The following DOCK4 variants were observed in gnomAD, a reference collection of about 807,000 sequenced individuals.
DOCK4 encodes dedicator of cytokinesis 4.
Under a neutral mutation model 268.1 loss-of-function variants are expected in DOCK4, and 97 were observed. That is an observed-to-expected ratio of 0.36 (90% CI 0.31 to 0.43). DOCK4 has a LOEUF of 0.43. DOCK4 is among the 20% of genes least tolerant of loss of function. The pLI is 1.00. For synonymous variants in DOCK4, 954 were observed against 887.2 expected, an observed-to-expected ratio of 1.08 and a Z score of -1.34; for missense variants, 2,145 against 2,455.7, an observed-to-expected ratio of 0.87 and a Z score of 2.67.
chr7:111,935,452 G>T (rs556966201), intron 12 of DOCK4, 88 bp downstream of exon 12: 3 of 1,127,726 alleles, frequency 2.7e-6, no homozygotes, highest in Middle Eastern at 1.9e-4. Context: ...AAAAACAAAG[G>T]GCTGATAATT....
rs151130810 is a variant in DOCK4 at position 111,769,296 on chromosome 7, T to A, written c.3828+233A>T. ...TAAAATCACAGATTCCCCAGCCTCATGCCAGACAAGGCACGAATCAGAATG... is the reference window on the plus strand; with the variant it reads ...TAAAATCACAGATTCCCCAGCCTCAAGCCAGACAAGGCACGAATCAGAATG... On this transcript the variant is annotated intron_variant, in intron 37 of 52. Coordinates refer to ENST00000428084, the MANE Select transcript of DOCK4 (RefSeq NM_001363540.2). Among the ~76,000 whole-genome samples the A allele has an allele frequency of 5.5e-4, 84 of 152,280 alleles. 1 individual carries two copies. The East Asian group carries it at 0.014, about 25-fold the overall frequency.
At chr7:112,152,684 G>T (rs1816210834) in intron 1 of DOCK4, among the ~76,000 whole-genome samples, 1 of 152,056 alleles carries the variant, frequency 6.6e-6, no homozygotes, top group Non-Finnish European at 1.5e-5. Context: ...CGGGGGTCTT[G>T]CTATGTTGCT....
intron 1 of DOCK4, among the ~76,000 whole-genome samples, chr7:112,076,776 A>G (rs1351264906): frequency 2.6e-5 from 4 of 152,156 alleles, no homozygotes; most frequent in Admixed American, 2.0e-4. Flanking sequence ...CCAATTTGTC[A>G]TATGTCTTAT....
intron 25 of DOCK4, among the ~76,000 whole-genome samples, chr7:111,843,703 G>A (rs1803874299): frequency 6.6e-6 from 1 of 152,026 alleles, no homozygotes; most frequent in Non-Finnish European, 1.5e-5. Flanking sequence ...TATATAAACT[G>A]CCAGATGTAT....
intron 30 of DOCK4, among the ~76,000 whole-genome samples, chr7:111,791,073 T>C (rs1481840142): frequency 1.7e-5 from 2 of 115,114 alleles, no homozygotes; most frequent in South Asian, 5.9e-4. Context: ...AAAAAAATTA[T>C]ATATATATAT....
chr7:111,774,008 C>T (rs556154441), intron 36 of DOCK4, among the ~76,000 whole-genome samples: 1 of 151,730 alleles, frequency 6.6e-6, no homozygotes, highest in Admixed American at 6.6e-5. Flanking sequence ...CAGAGTCAAA[C>T]CTTGTCTCAA....
chr7:111,786,361 A>C (rs1274100073), intron 32 of DOCK4, among the ~76,000 whole-genome samples: 1 of 152,148 alleles, frequency 6.6e-6, no homozygotes, highest in Non-Finnish European at 1.5e-5. Context: ...AAGCGGAATG[A>C]GCGAATCAGG....
intron 1 of DOCK4, among the ~76,000 whole-genome samples, chr7:112,197,290 T>C (rs961425784): frequency 6.4e-5 from 9 of 140,422 alleles, no homozygotes; most frequent in African/African-American, 2.7e-4. Context: ...GTATTATATA[T>C]TTACCAAAAA....
chr7:111,742,150 G>T lies in DOCK4; in HGVS notation c.4678-18C>A. 1 of 1,560,282 alleles carries T rather than the reference G, an allele frequency of 6.4e-7. No homozygotes were observed. Among genetic ancestry groups the T allele is most frequent in the Admixed American group, 2.0e-5 (1 of 49,886 alleles). The stretch of plus-strand genomic sequence containing the variant: ...ATCTGTGCCTTAATTCACAACATAA[G>T]GAAAAAACCTCACATCAATGACTAC... On this transcript the variant is annotated intron_variant, in intron 44 of 52. Coordinates refer to ENST00000428084, the MANE Select transcript of DOCK4 (RefSeq NM_001363540.2).
intron 1 of DOCK4, among the ~76,000 whole-genome samples, chr7:112,185,665 C>T (rs71544730): frequency 0.14 from 21,984 of 152,078 alleles, 2,142 homozygotes; most frequent in Non-Finnish European, 0.22. Flanking sequence ...AATAGTCTGA[C>T]CACAACATTT....
chr7:111,983,481 A>G (rs1367068546), intron 7 of DOCK4, among the ~76,000 whole-genome samples: 1 of 152,158 alleles, frequency 6.6e-6, no homozygotes, highest in Non-Finnish European at 1.5e-5. Flanking sequence ...AGCCCATCCC[A>G]ACCACCCTCT....
chr7:111,753,063 G>A (rs2133533275), intron 42 of DOCK4, among the ~76,000 whole-genome samples: 2 of 147,934 alleles, frequency 1.4e-5, no homozygotes, highest in Middle Eastern at 3.8e-3. Flanking sequence ...GAAACCTTTG[G>A]TGCCACATGT....
intron 1 of DOCK4, among the ~76,000 whole-genome samples, chr7:112,072,388 T>C (rs1297320609): frequency 6.6e-6 from 1 of 152,242 alleles, no homozygotes; most frequent in Non-Finnish European, 1.5e-5. Context: ...CTGATAACGC[T>C]AGGGTCAGAT....
intron 1 of DOCK4, among the ~76,000 whole-genome samples, chr7:112,025,595 T>C (rs1802715779): frequency 6.6e-6 from 1 of 151,768 alleles, no homozygotes; most frequent in African/African-American, 2.4e-5. Context: ...GTATGACCTA[T>C]CCAAACGAAG....
chr7:111,809,155 A>G lies in DOCK4; in HGVS notation c.3107+146T>C, dbSNP rs58028692. ...GCAAACATGTTTGAAATATCAAAACATCCAGAAAAGACTGCTTCTTGACCC... is the reference window on the plus strand; with the variant it reads ...GCAAACATGTTTGAAATATCAAAACGTCCAGAAAAGACTGCTTCTTGACCC... On this transcript the variant is annotated intron_variant, in intron 29 of 52. Coordinates refer to ENST00000428084, the MANE Select transcript of DOCK4 (RefSeq NM_001363540.2). The G allele has an allele frequency of 0.021, 15,507 of 742,786 alleles. 1,731 individuals carry two copies. The African/African-American group carries it at 0.24, about 12-fold the overall frequency. The allele number at this position is 742,786 out of a possible 1,614,324, so 46.0% of individuals were successfully genotyped here. A position where few individuals can be genotyped will look rare whatever the true frequency, so the allele number is the denominator to read the frequency against.
At chr7:112,039,660 C>T (rs1804183995) in intron 1 of DOCK4, among the ~76,000 whole-genome samples, 1 of 151,834 alleles carries the variant, frequency 6.6e-6, no homozygotes, top group South Asian at 2.1e-4. Context: ...CCTGTTTGGA[C>T]AGAACTATGT....
At chr7:112,059,632 T>G (rs77894037) in intron 1 of DOCK4, among the ~76,000 whole-genome samples, 1 of 152,180 alleles carries the variant, frequency 6.6e-6, no homozygotes, top group Non-Finnish European at 1.5e-5. Context: ...ATATCCAACA[T>G]TGTTTCCTCA....
At chr7:112,037,851 C>T (rs10428959) in intron 1 of DOCK4, among the ~76,000 whole-genome samples, 5,686 of 152,128 alleles carry the variant, frequency 0.037, 313 homozygotes, top group African/African-American at 0.12. Context: ...TTTTACATTT[C>T]CACCAGGACT....
At chr7:112,001,259 C>T (rs1408621378) in intron 2 of DOCK4, among the ~76,000 whole-genome samples, 1 of 152,084 alleles carries the variant, frequency 6.6e-6, no homozygotes, top group Non-Finnish European at 1.5e-5. Context: ...AACCTGGGTG[C>T]AAAAATACTA....
Sources: gnomAD v4.1 joint callset for allele counts (sites outside exome capture counted in the v4.1 genomes callset) on GRCh38, gnomAD v4.1.1 for gene constraint, MANE v1.5 for transcripts, NCBI Gene and HGNC (gene_info 2026-07-23, HGNC 2026-07-21) for gene names.